The following RNF212B variants were observed in gnomAD, a reference collection of about 807,000 sequenced individuals.
RNF212B encodes E3 ubiquitin-protein ligase RNF212B.
A neutral mutation model predicts 55.5 loss-of-function variants in RNF212B; 52 were observed. That is an observed-to-expected ratio of 0.94 (90% CI 0.75 to 1.18). The LOEUF (loss-of-function observed/expected upper bound fraction) is 1.18. RNF212B is among the 50% of genes most tolerant of loss of function. The pLI is 0.00. For missense variants in RNF212B, 289 were observed against 350.4 expected (o/e 0.82, Z 1.40); for synonymous variants, 99 against 121.4 (o/e 0.82, Z 1.21).
chr14:23,187,676 G>C (rs543087189), intron 1 of RNF212B, among the ~76,000 whole-genome samples: 1 of 152,198 alleles, frequency 6.6e-6, no homozygotes, highest in East Asian at 1.9e-4. Context: ...TACCAACAAA[G>C]GACCCAAATC....
chr14:23,257,198 A>T lies in RNF212B; in HGVS notation c.229-1351A>T, dbSNP rs868586894. Among the ~76,000 whole-genome samples the T allele has an allele frequency of 7.9e-5, 12 of 152,250 alleles. No individual in the cohort carries two copies. In the Middle Eastern group the frequency reaches 0.01, roughly 129 times the overall value. On this transcript the variant is annotated intron_variant, in intron 4 of 14. Coordinates refer to ENST00000430154, the MANE Select transcript of RNF212B (RefSeq NM_001282322.3). ...ATAAAATAAATCAAAATTATTTTTC[A>T]TAGAGACAGGGTCTTGCTATGTTGC...
chr14:23,240,728 T>C (rs1252023225), intron 2 of RNF212B, among the ~76,000 whole-genome samples: 1 of 152,202 alleles, frequency 6.6e-6, no homozygotes, highest in African/African-American at 2.4e-5. Flanking sequence ...CATCAGATTC[T>C]TCAGGGAAAA....
chr14:23,191,400 T>C (rs910468734), intron 1 of RNF212B, among the ~76,000 whole-genome samples: 2 of 151,780 alleles, frequency 1.3e-5, no homozygotes, highest in Admixed American at 1.3e-4. Context: ...CCATCACCTG[T>C]ACCTTGCCTT....
chr14:23,189,017 A>G (rs1039676480), intron 1 of RNF212B, among the ~76,000 whole-genome samples: 1 of 152,258 alleles, frequency 6.6e-6, no homozygotes, highest in Admixed American at 6.5e-5. Context: ...GGGCTGGAAC[A>G]CAGAGAAGAA....
chr14:23,195,673 C>A (rs1878591270), intron 2 of RNF212B, among the ~76,000 whole-genome samples: 2 of 152,194 alleles, frequency 1.3e-5, no homozygotes, highest in African/African-American at 4.8e-5. Flanking sequence ...CATCCACCCT[C>A]CTAATACTCC....
At chr14:23,194,357 A>G (rs1878430064) in intron 2 of RNF212B, among the ~76,000 whole-genome samples, 1 of 152,210 alleles carries the variant, frequency 6.6e-6, no homozygotes, top group Admixed American at 6.5e-5. Flanking sequence ...AAGGCTTGAA[A>G]TAGATGAAGA....
At chr14:23,255,938 G>T (rs977870) in intron 4 of RNF212B, among the ~76,000 whole-genome samples, 87,106 of 151,966 alleles carry the variant, frequency 0.57, 26,242 homozygotes, top group African/African-American at 0.78. Context: ...CAAAATCACT[G>T]CTTCTTTAAT....
intron 2 of RNF212B, among the ~76,000 whole-genome samples, chr14:23,204,653 G>C (rs1289138197): frequency 1.3e-5 from 2 of 152,142 alleles, no homozygotes; most frequent in African/African-American, 2.4e-5. Context: ...AAATCAGTTA[G>C]TGTGATACCT....
intron 4 of RNF212B, among the ~76,000 whole-genome samples, chr14:23,249,552 A>C (rs1383025235): frequency 6.6e-6 from 1 of 152,210 alleles, no homozygotes; most frequent in Non-Finnish European, 1.5e-5. Context: ...AGAGATACTC[A>C]ATGGTGCTTT....
upstream of RNF212B, among the ~76,000 whole-genome samples, chr14:23,237,934 G>T (rs568616568): frequency 2.5e-4 from 38 of 152,282 alleles, no homozygotes; most frequent in East Asian, 9.6e-4. Context: ...GCTGCGCCCA[G>T]CCTCTTTCCT....
chr14:23,271,666 T>TA (rs1296181679), intron 14 of RNF212B, among the ~76,000 whole-genome samples: 2 of 152,084 alleles, frequency 1.3e-5, no homozygotes, highest in Non-Finnish European at 2.9e-5. Flanking sequence ...GTCTAAGCCT[T>TA]AAGAGGCAAC....
intron 4 of RNF212B, among the ~76,000 whole-genome samples, chr14:23,246,552 C>A (rs1165478251): frequency 6.6e-6 from 1 of 151,860 alleles, no homozygotes; most frequent in Non-Finnish European, 1.5e-5. Flanking sequence ...TCCAATGAGA[C>A]AATGTTTATG....
intron 1 of RNF212B, among the ~76,000 whole-genome samples, chr14:23,191,012 C>A (rs1036030911): frequency 2.0e-5 from 3 of 152,194 alleles, no homozygotes; most frequent in Non-Finnish European, 4.4e-5. Flanking sequence ...GCACATCCCT[C>A]TGCAAATATC....
At chr14:23,202,445 A>G (rs932324277) in intron 2 of RNF212B, among the ~76,000 whole-genome samples, 1 of 152,184 alleles carries the variant, frequency 6.6e-6, no homozygotes, top group African/African-American at 2.4e-5. Context: ...CTTCCGTGAT[A>G]GTCCCTGGGC....
At chr14:23,270,059 C>T in intron 13 of RNF212B, 99 bp downstream of exon 13, 3 of 729,984 alleles carry the variant, frequency 4.1e-6, no homozygotes, top group South Asian at 1.6e-5. Flanking sequence ...GGTTTGCCCC[C>T]CAAAGAGCAT....
At chr14:23,271,533 T>G (rs1343267171) in intron 14 of RNF212B, among the ~76,000 whole-genome samples, 1 of 152,088 alleles carries the variant, frequency 6.6e-6, no homozygotes, top group Non-Finnish European at 1.5e-5. Context: ...TTGAGCATAT[T>G]TAGGCTCCTT....
intron 2 of RNF212B, among the ~76,000 whole-genome samples, chr14:23,224,811 C>G (rs1356368501): frequency 6.6e-6 from 1 of 152,086 alleles, no homozygotes; most frequent in Non-Finnish European, 1.5e-5. Context: ...ACAAAGTGAA[C>G]AGACAATCCA....
At chr14:23,231,946 ATGT>A (rs71119008) in intron 2 of RNF212B, among the ~76,000 whole-genome samples, 77,850 of 151,752 alleles carry the variant, frequency 0.51, 20,941 homozygotes, top group African/African-American at 0.69. Flanking sequence ...TCAGTGCTCA[ATGT>A]TGTTGCCCAG....
At chr14:23,241,118 G>A (rs1263499621) in intron 2 of RNF212B, among the ~76,000 whole-genome samples, 3 of 152,092 alleles carry the variant, frequency 2.0e-5, no homozygotes, top group East Asian at 3.9e-4. Flanking sequence ...TTTTGATCAC[G>A]GAAGACTTCA....
Sources: gnomAD v4.1 joint callset for allele counts (sites outside exome capture counted in the v4.1 genomes callset) on GRCh38, gnomAD v4.1.1 for gene constraint, MANE v1.5 for transcripts, NCBI Gene and HGNC (gene_info 2026-07-23, HGNC 2026-07-21) for gene names.